The following CPB2 variants were observed in gnomAD, a reference collection of about 807,000 sequenced individuals.
The protein encoded by CPB2 is carboxypeptidase B2, also known as carboxypeptidase B-like protein.
CPB2 carries 54 observed loss-of-function variants against 57.0 expected under a neutral mutation model. That is an observed-to-expected ratio of 0.95 (90% CI 0.76 to 1.19). The LOEUF (loss-of-function observed/expected upper bound fraction) is 1.19. CPB2 is among the 50% of genes most tolerant of loss of function. The pLI is 0.00. For synonymous variants in CPB2, 189 were observed against 178.1 expected (o/e 1.06, Z -0.49); for missense variants, 426 against 512.0 (o/e 0.83, Z 1.62).
intron 8 of CPB2, among the ~76,000 whole-genome samples, chr13:46,061,159 T>TA (rs1308390251): frequency 1.3e-5 from 2 of 151,804 alleles, no homozygotes; most frequent in Non-Finnish European, 1.5e-5. Flanking sequence ...ACTGTACAAT[T>TA]AAAAATTGTT....
chr13:46,103,936 C>A (rs895829317), intron 1 of CPB2, among the ~76,000 whole-genome samples: 4 of 152,190 alleles, frequency 2.6e-5, no homozygotes, highest in African/African-American at 9.7e-5. Context: ...AAAATAATAT[C>A]ATTTTATGAT....
At chr13:46,087,718 T>C (rs765681171) in intron 2 of CPB2, 27 bp downstream of exon 2, 1 of 1,506,336 alleles carries the variant, frequency 6.6e-7, no homozygotes. Flanking sequence ...GTGAAACCAA[T>C]ATAAACATAA....
At chr13:46,056,319 G>A (rs2044696231) in intron 9 of CPB2, among the ~76,000 whole-genome samples, 1 of 152,036 alleles carries the variant, frequency 6.6e-6, no homozygotes, top group Admixed American at 6.5e-5. Context: ...TGTGTAAAAT[G>A]TCTAATGACT....
At position 46,074,899 on chromosome 13, in the gene CPB2, T is replaced by C. The variant is rs568830894; in HGVS notation, c.487-922A>G. On this transcript the variant is annotated intron_variant, in intron 5 of 10. Coordinates refer to ENST00000181383, the MANE Select transcript of CPB2 (RefSeq NM_001872.5). ...CGGTTCACAGTGGGGTTTGTGCTCC[T>C]ATGAGAATCTAACGCTGCCACTGAT... 4.0e-4 allele frequency among the ~76,000 whole-genome samples: 61 copies of C among 152,324 alleles called. No individual in the cohort carries two copies. The South Asian group carries it at 0.013, about 32-fold the overall frequency.
chr13:46,093,234 G>C (rs1037563446), intron 1 of CPB2, among the ~76,000 whole-genome samples: 1 of 152,166 alleles, frequency 6.6e-6, no homozygotes. Flanking sequence ...AACAAGGGTG[G>C]AGGGTGGCTT....
At chr13:46,054,153 A>G (rs930007728) in intron 10 of CPB2, among the ~76,000 whole-genome samples, 1 of 152,212 alleles carries the variant, frequency 6.6e-6, no homozygotes, top group Non-Finnish European at 1.5e-5. Context: ...ATGAATTCTG[A>G]TAATTTTATG....
At chr13:46,093,254 A>T (rs1277058595) in intron 1 of CPB2, among the ~76,000 whole-genome samples, 1 of 152,186 alleles carries the variant, frequency 6.6e-6, no homozygotes, top group East Asian at 1.9e-4. Context: ...TTATTTTGGA[A>T]ATCCTGAGTA....
intron 1 of CPB2, among the ~76,000 whole-genome samples, chr13:46,101,889 A>G (rs796074413): frequency 5.3e-5 from 8 of 152,316 alleles, no homozygotes; most frequent in East Asian, 1.9e-4. Context: ...ATCCCCTGCT[A>G]TGGTTTACAG....
At chr13:46,080,294 A>G (rs1228158617) in intron 4 of CPB2, among the ~76,000 whole-genome samples, 2 of 152,182 alleles carry the variant, frequency 1.3e-5, no homozygotes, top group Non-Finnish European at 2.9e-5. Flanking sequence ...CCACCAGTCC[A>G]TCTTGTAGGT....
At chr13:46,101,167 A>G (rs964812631) in intron 1 of CPB2, 2 of 152,100 alleles carry the variant, frequency 1.3e-5, no homozygotes, top group African/African-American at 4.8e-5. Flanking sequence ...TGATCAGCCT[A>G]TGCCCAGTAA....
At chr13:46,089,928 AC>A (rs2045266779) in intron 1 of CPB2, among the ~76,000 whole-genome samples, 1 of 152,222 alleles carries the variant, frequency 6.6e-6, no homozygotes, top group Admixed American at 6.5e-5. Context: ...GACAGAATTA[AC>A]CCTATATTGT....
chr13:46,076,660 T>G (rs2045027381), intron 5 of CPB2, among the ~76,000 whole-genome samples: 4 of 152,042 alleles, frequency 2.6e-5, no homozygotes, highest in Admixed American at 2.6e-4. Context: ...ATAAGAGATC[T>G]TGAAAATCCA....
chr13:46,070,768 A>T (rs1207611694), intron 6 of CPB2, among the ~76,000 whole-genome samples: 1 of 152,208 alleles, frequency 6.6e-6, no homozygotes, highest in African/African-American at 2.4e-5. Flanking sequence ...ATCTCTATAT[A>T]TGTATGTATA....
At chr13:46,103,298 AGT>A (rs1252832629) in intron 1 of CPB2, among the ~76,000 whole-genome samples, 2 of 152,240 alleles carry the variant, frequency 1.3e-5, no homozygotes, top group African/African-American at 4.8e-5. Context: ...TAGATCTGCT[AGT>A]GGGTGAGAAC....
chr13:46,068,270 A>G (rs2044885346), intron 6 of CPB2, among the ~76,000 whole-genome samples: 1 of 152,222 alleles, frequency 6.6e-6, no homozygotes, highest in Non-Finnish European at 1.5e-5. Context: ...TGACATTGTT[A>G]AGAAATGTCT....
chr13:46,068,371 G>T (rs2044886867), intron 6 of CPB2, among the ~76,000 whole-genome samples: 1 of 151,644 alleles, frequency 6.6e-6, no homozygotes, highest in African/African-American at 2.4e-5. Flanking sequence ...TATTTCCCTA[G>T]AACAATCACA....
intron 3 of CPB2, among the ~76,000 whole-genome samples, chr13:46,083,716 T>C (rs918421871): frequency 1.3e-5 from 2 of 152,106 alleles, no homozygotes; most frequent in African/African-American, 4.8e-5. Context: ...GGTGAATAAT[T>C]CCCCCAGGGT....
chr13:46,078,057 T>A (rs1328467315), intron 5 of CPB2, among the ~76,000 whole-genome samples: 1 of 152,056 alleles, frequency 6.6e-6, no homozygotes, highest in African/African-American at 2.4e-5. Context: ...GAAGATGAAC[T>A]TAAAATGTTC....
chr13:46,102,085 G>C (rs977482310), intron 1 of CPB2, among the ~76,000 whole-genome samples: 1 of 152,212 alleles, frequency 6.6e-6, no homozygotes. Context: ...AAGTGAAAGA[G>C]AGTAAACTGG....
Sources: gnomAD v4.1 joint callset for allele counts (sites outside exome capture counted in the v4.1 genomes callset) on GRCh38, gnomAD v4.1.1 for gene constraint, MANE v1.5 for transcripts, NCBI Gene and HGNC (gene_info 2026-07-23, HGNC 2026-07-21) for gene names.